The following HIBADH variants were observed in gnomAD, a reference collection of about 807,000 sequenced individuals.
HIBADH encodes 3-hydroxyisobutyrate dehydrogenase, mitochondrial.
HIBADH carries 25 observed loss-of-function variants against 36.1 expected under a neutral mutation model. The observed-to-expected ratio is 0.69, with a 90% confidence interval of 0.50 to 0.97. The LOEUF is 0.97. Among genes scored for constraint, HIBADH ranks in the 50% least tolerant of loss-of-function variants. The pLI, the probability that HIBADH is intolerant of heterozygous loss-of-function variation, is 0.00. For synonymous variants in HIBADH, 160 were observed against 149.5 expected, an observed-to-expected ratio of 1.07 and a Z score of -0.51; for missense variants, 421 against 418.0, an observed-to-expected ratio of 1.01 and a Z score of -0.06.
Position 27,531,356 on chromosome 7 carries a change from A to G in HIBADH, c.696-8T>C, listed in dbSNP as rs1204985777. On this transcript the variant is annotated splice_region_variant and splice_polypyrimidine_tract_variant and intron_variant, in intron 6 of 7. Coordinates refer to ENST00000265395, the MANE Select transcript of HIBADH (RefSeq NM_152740.4). Reference sequence around the variant, plus strand: ...TTTGGGTCAAGCCCTAACCTGTCAAAGGTCAAAGAAAAGAAGTGTTAAGTG... The same window carrying G: ...TTTGGGTCAAGCCCTAACCTGTCAAGGGTCAAAGAAAAGAAGTGTTAAGTG... The G allele has an allele frequency of 6.3e-7, 1 of 1,599,058 alleles. No individual in the cohort carries two copies. The highest frequency in any genetic ancestry group is 8.5e-7 in the Non-Finnish European group (1 of 1,171,034).
chr7:27,556,790 C>A (rs1205087379), intron 4 of HIBADH, among the ~76,000 whole-genome samples: 1 of 152,150 alleles, frequency 6.6e-6, no homozygotes, highest in Non-Finnish European at 1.5e-5. Context: ...GTTTTAATCA[C>A]TGTAACTTTA....
chr7:27,562,183 TTC>T (rs1037581859), intron 4 of HIBADH, among the ~76,000 whole-genome samples: 1 of 152,002 alleles, frequency 6.6e-6, no homozygotes, highest in Non-Finnish European at 1.5e-5. Flanking sequence ...CAGGAGTTGT[TTC>T]TGTTTTCTTT....
At chr7:27,581,462 A>T (rs1055020035) in intron 4 of HIBADH, among the ~76,000 whole-genome samples, 1 of 152,152 alleles carries the variant, frequency 6.6e-6, no homozygotes, top group African/African-American at 2.4e-5. Context: ...CATCAACTAT[A>T]ATTGCTTATC....
chr7:27,644,215 C>T (rs1786014315), intron 2 of HIBADH, among the ~76,000 whole-genome samples: 1 of 152,128 alleles, frequency 6.6e-6, no homozygotes, highest in Non-Finnish European at 1.5e-5. Flanking sequence ...CCTGTAATCC[C>T]AGCACTTTGG....
intron 4 of HIBADH, among the ~76,000 whole-genome samples, chr7:27,627,767 C>A (rs1369823726): frequency 6.6e-6 from 1 of 152,108 alleles, no homozygotes; most frequent in Non-Finnish European, 1.5e-5. Context: ...CATCCCTGCA[C>A]AAAGCTTTTA....
At chr7:27,533,905 T>TAC (rs1784035804) in intron 6 of HIBADH, among the ~76,000 whole-genome samples, 2 of 152,190 alleles carry the variant, frequency 1.3e-5, no homozygotes, top group Non-Finnish European at 2.9e-5. Flanking sequence ...TCAGAAGATA[T>TAC]ACAGCTCAAG....
At chr7:27,648,698 G>A (rs1374738715) in intron 2 of HIBADH, among the ~76,000 whole-genome samples, 4 of 152,156 alleles carry the variant, frequency 2.6e-5, no homozygotes, top group African/African-American at 4.8e-5. Flanking sequence ...TGTAATTTGA[G>A]TTATTGATAA....
At chr7:27,527,106 A>C (rs1022698676) in intron 7 of HIBADH, among the ~76,000 whole-genome samples, 4 of 151,968 alleles carry the variant, frequency 2.6e-5, no homozygotes, top group Admixed American at 6.6e-5. Context: ...CAAGAGACAG[A>C]ACAAGAGGGA....
At chr7:27,652,790 A>G (rs773429147) in intron 1 of HIBADH, among the ~76,000 whole-genome samples, 1 of 152,082 alleles carries the variant, frequency 6.6e-6, no homozygotes, top group Non-Finnish European at 1.5e-5. Flanking sequence ...CGCATGATCT[A>G]ATTGCCTCCC....
At chr7:27,637,996 T>G (rs979366278) in intron 2 of HIBADH, among the ~76,000 whole-genome samples, 1 of 152,200 alleles carries the variant, frequency 6.6e-6, no homozygotes, top group Non-Finnish European at 1.5e-5. Flanking sequence ...ATGGCCATAT[T>G]GCCCAAAGCA....
At chr7:27,579,299 T>C (rs1784757558) in intron 4 of HIBADH, among the ~76,000 whole-genome samples, 7 of 152,130 alleles carry the variant, frequency 4.6e-5, no homozygotes, top group Admixed American at 3.3e-4. Context: ...AAACAAAAAT[T>C]ATGTGGCACG....
chr7:27,534,421 C>T (rs1006453057), intron 6 of HIBADH, among the ~76,000 whole-genome samples: 27 of 152,106 alleles, frequency 1.8e-4, no homozygotes, highest in African/African-American at 5.1e-4. Flanking sequence ...AAGTGCTACA[C>T]GTGCAGCGAA....
intron 1 of HIBADH, among the ~76,000 whole-genome samples, chr7:27,657,201 C>T (rs1284702276): frequency 6.6e-6 from 1 of 152,028 alleles, no homozygotes; most frequent in African/African-American, 2.4e-5. Context: ...AAGGCACAAA[C>T]AGACCACAAC....
At chr7:27,564,326 C>A (rs1344523024) in intron 4 of HIBADH, among the ~76,000 whole-genome samples, 1 of 152,172 alleles carries the variant, frequency 6.6e-6, no homozygotes, top group East Asian at 1.9e-4. Context: ...GTAAGTTTTA[C>A]ATTTAGCTCA....
intron 4 of HIBADH, among the ~76,000 whole-genome samples, chr7:27,595,901 AG>A (rs1392354370): frequency 1.3e-5 from 2 of 152,176 alleles, no homozygotes; most frequent in Non-Finnish European, 2.9e-5. Context: ...CGTAATTTGG[AG>A]GAAAAAAAGA....
At chr7:27,604,239 T>C (rs1396294595) in intron 4 of HIBADH, among the ~76,000 whole-genome samples, 2 of 152,176 alleles carry the variant, frequency 1.3e-5, no homozygotes, top group Non-Finnish European at 2.9e-5. Flanking sequence ...AAAAAAATCA[T>C]TTTAATATTA....
intron 4 of HIBADH, among the ~76,000 whole-genome samples, chr7:27,563,843 A>G (rs1784501324): frequency 6.6e-6 from 1 of 151,620 alleles, no homozygotes; most frequent in African/African-American, 2.4e-5. Context: ...CTTAGGCTGC[A>G]GCTTGTCTTT....
chr7:27,657,847 T>G (rs149251226), intron 1 of HIBADH, among the ~76,000 whole-genome samples: 4 of 152,142 alleles, frequency 2.6e-5, no homozygotes, highest in Non-Finnish European at 5.9e-5. Flanking sequence ...TAGACAACAT[T>G]TGATCAATAA....
intron 4 of HIBADH, among the ~76,000 whole-genome samples, chr7:27,605,129 CTT>C (rs943994639): frequency 1.2e-4 from 18 of 152,004 alleles, no homozygotes; most frequent in Non-Finnish European, 2.1e-4. Context: ...AGTTTATTAA[CTT>C]ATATTTATGG....
Sources: allele counts gnomAD v4.1 joint callset (sites outside exome capture counted in the v4.1 genomes callset), GRCh38; gene constraint gnomAD v4.1.1; transcripts MANE v1.5; gene names NCBI Gene and HGNC (gene_info 2026-07-23, HGNC 2026-07-21).